The following KIF3C variants were observed in gnomAD, a reference collection of about 807,000 sequenced individuals.
KIF3C encodes the protein kinesin family member 3C.
A neutral mutation model predicts 67.7 loss-of-function variants in KIF3C; 12 were observed. The observed-to-expected ratio is 0.18, with a 90% CI of 0.11 to 0.29. The LOEUF (loss-of-function observed/expected upper bound fraction) is 0.29, where lower values mean the gene tolerates loss of function less well. Ranked by LOEUF, KIF3C falls within the 10% of genes least tolerant of loss-of-function variation. KIF3C has a pLI of 1.00. For missense variants in KIF3C, 789 were observed against 1,059.6 expected (o/e 0.74, Z 3.55); for synonymous variants, 393 against 426.2 (o/e 0.92, Z 0.96).
At chr2:25,951,647 C>G (rs1663615844) in intron 5 of KIF3C, 142 bp downstream of exon 5, 1 of 608,048 alleles carries the variant, frequency 1.6e-6, no homozygotes, top group Non-Finnish European at 2.9e-6. Flanking sequence ...AGAAATTCAT[C>G]CCCCATCGGC....
intron 1 of KIF3C, among the ~76,000 whole-genome samples, chr2:25,965,647 C>T (rs1246244400): frequency 6.6e-6 from 1 of 151,600 alleles, no homozygotes; most frequent in Non-Finnish European, 1.5e-5. Context: ...TATCCTTAAC[C>T]ATCACCTATG....
At chr2:25,967,254 G>C (rs1050912953) in intron 1 of KIF3C, among the ~76,000 whole-genome samples, 6 of 152,172 alleles carry the variant, frequency 3.9e-5, no homozygotes, top group African/African-American at 1.2e-4. Flanking sequence ...CTGTGTGCTG[G>C]CAGGGAGGTT....
intron 1 of KIF3C, among the ~76,000 whole-genome samples, chr2:25,974,749 G>T (rs992956248): frequency 1.3e-5 from 2 of 152,064 alleles, no homozygotes; most frequent in Non-Finnish European, 2.9e-5. Context: ...GGGCAGGGCT[G>T]GGCATGGTGA....
intron 4 of KIF3C, among the ~76,000 whole-genome samples, chr2:25,953,225 C>T (rs2149232673): frequency 6.6e-6 from 1 of 150,884 alleles, no homozygotes; most frequent in East Asian, 2.0e-4. Flanking sequence ...GCCAAGACTG[C>T]ACCACTGCAC....
At chr2:25,933,289 T>C (rs371651839) in intron 5 of KIF3C, among the ~76,000 whole-genome samples, 2 of 150,610 alleles carry the variant, frequency 1.3e-5, no homozygotes, top group African/African-American at 4.9e-5. Context: ...AGGATCTCAA[T>C]AGATATTTCT....
chr2:25,957,649 G>T (rs1663840629), intron 1 of KIF3C, among the ~76,000 whole-genome samples: 1 of 152,138 alleles, frequency 6.6e-6, no homozygotes, highest in Non-Finnish European at 1.5e-5. Context: ...AGCAGGGGGT[G>T]CTGTCAGACT....
At chr2:25,979,611 C>T (rs1200766722) in intron 1 of KIF3C, among the ~76,000 whole-genome samples, 1 of 152,104 alleles carries the variant, frequency 6.6e-6, no homozygotes, top group African/African-American at 2.4e-5. Flanking sequence ...GTGCTTTTTC[C>T]ACCCTACCTC....
intron 1 of KIF3C, among the ~76,000 whole-genome samples, chr2:25,969,287 A>G (rs1375043320): frequency 2.0e-5 from 3 of 152,174 alleles, no homozygotes; most frequent in Non-Finnish European, 4.4e-5. Context: ...AGGCATTAAC[A>G]TATATCTTTT....
chr2:25,944,036 GA>G (rs1175621492), intron 5 of KIF3C, among the ~76,000 whole-genome samples: 1 of 151,810 alleles, frequency 6.6e-6, no homozygotes, highest in Non-Finnish European at 1.5e-5. Context: ...ATGATTACCT[GA>G]TATTTCTTTC....
In KIF3C at chr2:25,951,748, C is replaced by T. The variant is rs1398660581; in HGVS notation, c.2006+41G>A. 3.5e-6 allele frequency: 5 copies of T among 1,416,124 alleles called. No individual in the cohort carries two copies. In the Admixed American group the frequency reaches 8.4e-5, roughly 24 times the overall value. 87.7% of individuals were successfully genotyped at this position (1,416,124 alleles called of 1,614,324 possible). A position where few individuals can be genotyped will look rare whatever the true frequency, so the allele number is the denominator to read the frequency against. ...TCACCAGCCCCGACCTGGAGTGGAC[C>T]CACAAGTCCCCCAGCCCAGACAGCT... On this transcript the variant is annotated intron_variant, in intron 5 of 7. Coordinates refer to ENST00000264712, the MANE Select transcript of KIF3C (RefSeq NM_002254.8).
intron 5 of KIF3C, among the ~76,000 whole-genome samples, chr2:25,943,336 T>C (rs1663344406): frequency 6.6e-6 from 1 of 152,134 alleles, no homozygotes; most frequent in South Asian, 2.1e-4. Flanking sequence ...CTCCCTGCCC[T>C]CAACCTTCTG....
chr2:25,927,289 C>G lies in KIF3C; in HGVS notation c.*1689G>C, dbSNP rs1161150469. 1 of 152,662 alleles carries G rather than the reference C, an allele frequency of 6.6e-6. No homozygotes were observed. The allele number at this position is 152,662 out of a possible 1,614,324, so 9.5% of individuals were successfully genotyped here. ...CAACGCAGCCCTGGAGGTCCCCCTG[C>G]GCTCAGGCCACCTGGTGAATTTCTA... On this transcript the variant is annotated 3_prime_UTR_variant, in exon 8 of 8. Transcript: ENST00000264712.
intron 5 of KIF3C, among the ~76,000 whole-genome samples, chr2:25,941,655 G>A (rs1663285704): frequency 6.6e-6 from 1 of 152,100 alleles, no homozygotes; most frequent in Non-Finnish European, 1.5e-5. Context: ...TACTTTGGGA[G>A]GCTGAGATGG....
At chr2:25,948,389 C>A (rs1663500373) in intron 5 of KIF3C, among the ~76,000 whole-genome samples, 1 of 147,994 alleles carries the variant, frequency 6.8e-6, no homozygotes, top group African/African-American at 2.4e-5. Context: ...CCTGTCTCTA[C>A]AAAAGATAAA....
chr2:25,968,112 G>A (rs899045688), intron 1 of KIF3C, among the ~76,000 whole-genome samples: 1 of 152,286 alleles, frequency 6.6e-6, no homozygotes, highest in African/African-American at 2.4e-5. Flanking sequence ...GGAGTCAGCA[G>A]TAAGGGAAGA....
Position 25,981,192 on chromosome 2 carries a change from G to A in KIF3C, c.726C>T (p.Leu242=). The part of the protein sequence containing the change: ...DGQDHIRVGK[L]NLVDLAGSER... ...CGCTGCCAGCCAGGTCCACGAGGTT[G>A]AGCTTGCCCACTCGGATGTGGTCCT... Residue 242 remains leucine, a synonymous_variant, in exon 1 of 8, where the codon CTC becomes CTT. Coordinates refer to ENST00000264712, the MANE Select transcript of KIF3C (RefSeq NM_002254.8). This position sits in a 1 kb window ranked among gnomAD's most constrained non-coding sequence, Gnocchi z 8.2. 1 of 1,614,126 alleles carries A rather than the reference G, an allele frequency of 6.2e-7. No individual in the cohort carries two copies. The highest frequency in any genetic ancestry group is 8.5e-7 in the Non-Finnish European group (1 of 1,180,042).
intron 5 of KIF3C, chr2:25,934,304 C>T (rs1021605349): frequency 1.8e-5 from 7 of 399,072 alleles, no homozygotes; most frequent in Non-Finnish European, 3.1e-5. Context: ...TTAGGCTGGG[C>T]GTGGTGGCTC....
chr2:25,981,762 C>T lies in KIF3C; in HGVS notation c.156G>A (p.Gly52=). ...CAAAGGTGAAGGTCTTGGGCAGCTCCCCCGGGGCGGCGCGGGGGTTCCGCA... is the reference window on the plus strand; with the variant it reads ...CAAAGGTGAAGGTCTTGGGCAGCTCTCCCGGGGCGGCGCGGGGGTTCCGCA... ...VTLRNPRAAP[G]ELPKTFTFDA... Residue 52 remains glycine (G), a synonymous_variant, in exon 1 of 8, where the codon GGG becomes GGA. Coordinates refer to ENST00000264712, the MANE Select transcript of KIF3C (RefSeq NM_002254.8). The surrounding 1 kb of genome is among the most constrained non-coding windows in gnomAD (Gnocchi z 8.2). 1.2e-6 allele frequency: 2 copies of T among 1,613,758 alleles called. No individual in the cohort carries two copies. Among genetic ancestry groups the T allele is most frequent in the Non-Finnish European group, 8.5e-7 (1 of 1,179,858 alleles).
chr2:25,951,979 G>A (rs1663627978), intron 4 of KIF3C, 74 bp from the exon 5 acceptor site: 2 of 1,046,670 alleles, frequency 1.9e-6, no homozygotes, highest in East Asian at 2.4e-5. Context: ...AGGGTTGAAG[G>A]ATTAGAAGCA....
Sources: gnomAD v4.1 joint callset for allele counts (sites outside exome capture counted in the v4.1 genomes callset) on GRCh38, gnomAD v4.1.1 for gene constraint, Gnocchi (gnomAD v3.1) non-coding constraint, MANE v1.5 for transcripts, NCBI Gene and HGNC (gene_info 2026-07-23, HGNC 2026-07-21) for gene names.